TTN: variants seen among roughly 807,000 people sequenced by gnomAD.
TTN encodes titin.
TTN carries 1,525 observed loss-of-function variants against 3,223.0 expected under a neutral mutation model. That is an observed-to-expected ratio of 0.47 (90% CI 0.45 to 0.49). The LOEUF (loss-of-function observed/expected upper bound fraction) is 0.49, where lower values mean the gene tolerates loss of function less well. TTN is among the 20% of genes least tolerant of loss of function. TTN has a pLI of 0.00. For synonymous variants in TTN, 14,094 were observed against 15,161.0 expected (o/e 0.93, Z 5.17); for missense variants, 40,786 against 43,424.0 (o/e 0.94, Z 5.40).
Position 178,534,534 on chromosome 2 carries a change from G to T in TTN, c.102081C>A (p.Ile34027=). 6.2e-7 allele frequency: 1 copy of T among 1,613,830 alleles called. No homozygotes were observed. Among genetic ancestry groups the T allele is most frequent in the Non-Finnish European group, 8.5e-7 (1 of 1,179,798 alleles). ...CATCGAAAGTATATTCAGCATTCAT[G>T]ATATTCTCAATGATCTGTTGGTTAG... is the stretch of plus-strand genomic sequence containing the variant. The part of the protein sequence containing the change: ...AETNQQIIEN[I]MNAEYTFDEE... The change falls in exon 358 of 363, where the codon ATC becomes ATA. Residue 34027 remains isoleucine (I), a synonymous_variant. Transcript: ENST00000589042.
rs751923958 is a variant in TTN, at chr2:178,548,362, G to C, written c.93264C>G (p.Phe31088Leu). ...CATACTCATTTACTGCAGAAACACG[G>C]AAATAGTACGGAACACCTTCGGCCA... ...NDLAEGVPYY[F>L]RVSAVNEYGV... The change falls in exon 339 of 363, where the codon TTC (phenylalanine) becomes TTG (leucine). Residue 31088 changes from phenylalanine to leucine, a missense_variant. Physicochemically the swap from Phe to Leu is conservative, Grantham distance 22. Coordinates refer to ENST00000589042, the MANE Select transcript of TTN (RefSeq NM_001267550.2). This position sits in a 1 kb window ranked among gnomAD's most constrained non-coding sequence, Gnocchi z 4.3. 1 of 1,613,726 alleles carries C rather than the reference G, an allele frequency of 6.2e-7. No homozygotes were observed. Among genetic ancestry groups the C allele is most frequent in the African/African-American group, 1.3e-5 (1 of 74,906 alleles).
At chr2:178,802,503 A>G (rs2094118498) in intron 2 of TTN, among the ~76,000 whole-genome samples, 162 bp from the exon 3 acceptor site, 1 of 152,212 alleles carries the variant, frequency 6.6e-6, no homozygotes, top group South Asian at 2.1e-4. Context: ...ATCAGTGTGT[A>G]AACCTGCAGA....
rs767745172 is a variant in TTN at position 178,709,876 on chromosome 2, T to C, written c.28463-20A>G. On this transcript the variant is annotated intron_variant, in intron 98 of 362. Transcript: ENST00000589042. ...GCCGCTCTATAAGAAATTGCAAGGA[T>C]ATATGAAGTAGAAGCTAGAAGCAGA... 6.3e-7 allele frequency: 1 copy of C among 1,588,002 alleles called. No individual in the cohort carries two copies. The highest frequency in any genetic ancestry group is 8.6e-7 in the Non-Finnish European group (1 of 1,166,276).
rs1490848483 is a variant in TTN, at chr2:178,589,823, G to C, written c.61902C>G (p.Ala20634=). 1 of 1,613,404 alleles carries C rather than the reference G, an allele frequency of 6.2e-7. No homozygotes were observed. Among genetic ancestry groups the C allele is most frequent in the Non-Finnish European group, 8.5e-7 (1 of 1,179,612 alleles). ...TKRLIKANLL[A]NNEYYFRVCA... is the part of the protein sequence containing the mutation. ...AAACTCGGAAATAGTATTCATTGTT[G>C]GCTAAAAGGTTGGCCTTGATTAATC... Residue 20634 remains alanine, a synonymous_variant, in exon 304 of 363, where the codon GCC becomes GCG. Coordinates refer to ENST00000589042, the MANE Select transcript of TTN (RefSeq NM_001267550.2).
intron 126 of TTN, 79 bp from the exon 127 acceptor site, chr2:178,688,303 G>T: frequency 8.0e-7 from 1 of 1,254,880 alleles, no homozygotes; most frequent in Non-Finnish European, 1.2e-6. Flanking sequence ...ACTACAGATG[G>T]ATAACTGTTC....
At position 178,587,729 on chromosome 2, in the gene TTN, G is replaced by C; in HGVS notation, c.63580C>G (p.Leu21194Val). 6.2e-7 allele frequency: 1 copy of C among 1,612,714 alleles called. No homozygotes were observed. Among genetic ancestry groups the C allele is most frequent in the Non-Finnish European group, 8.5e-7 (1 of 1,179,308 alleles). ...GGTCGTCCTCTCACTATAGCAAAGA[G>C]ACGAATAGGGCATCCTGCTCTCACT... ...VIVRAGCPIR[L>V]FAIVRGRPAP... is the part of the protein sequence containing the mutation. The change falls in exon 306 of 363, where the codon CTC becomes GTC. Residue 21194 changes from leucine to valine, a missense_variant. Coordinates refer to ENST00000589042, the MANE Select transcript of TTN (RefSeq NM_001267550.2).
chr2:178,684,154 T>G, intron 132 of TTN, 72 bp from the exon 133 acceptor site: 1 of 1,513,592 alleles, frequency 6.6e-7, no homozygotes, highest in Non-Finnish European at 9.1e-7. Context: ...CATAAAGTAG[T>G]AGCCCAAACA....
At chr2:178,578,782 G>C in intron 320 of TTN, 24 bp downstream of exon 320, 2 of 1,606,070 alleles carry the variant, frequency 1.2e-6, no homozygotes, top group Non-Finnish European at 1.7e-6. Flanking sequence ...TTTGCTTTAC[G>C]TCTTCTGAAT....
chr2:178,728,474 A>G, intron 66 of TTN, 26 bp downstream of exon 66: 2 of 1,591,658 alleles, frequency 1.3e-6, no homozygotes, highest in South Asian at 1.1e-5. Context: ...TAAATAAGGG[A>G]AGCTGACTGG....
intron 312 of TTN, 54 bp downstream of exon 312, chr2:178,583,553 T>G (rs1157901635): frequency 1.6e-5 from 23 of 1,448,562 alleles, no homozygotes; most frequent in Middle Eastern, 2.4e-4. Context: ...TTAGGAAAAA[T>G]GACCATCATG....
Position 178,597,557 on chromosome 2 carries a change from T to C in TTN, c.57525A>G (p.Thr19175=), listed in dbSNP as rs765478522. 2 of 1,612,108 alleles carry C rather than the reference T, an allele frequency of 1.2e-6. No homozygotes were observed. Among genetic ancestry groups the C allele is most frequent in the Non-Finnish European group, 1.7e-6 (2 of 1,179,192 alleles). ...ATTTACCTAATACATCAACAATAATTGTCTTCTTTCTTTCTCCGGCTTCAT... is the reference window on the plus strand; with the variant it reads ...ATTTACCTAATACATCAACAATAATCGTCTTCTTTCTTTCTCCGGCTTCAT... The part of the protein sequence containing the change: ...AKNEAGERKK[T]IIVDVLDVPG... Residue 19175 remains threonine (T), a synonymous_variant, in exon 294 of 363, where the codon ACA becomes ACG. Coordinates refer to ENST00000589042, the MANE Select transcript of TTN (RefSeq NM_001267550.2).
Position 178,590,035 on chromosome 2 carries a change from C to T in TTN, c.61690G>A (p.Val20564Ile), listed in dbSNP as rs761270633. The T allele has an allele frequency of 7.4e-6, 12 of 1,612,982 alleles. No homozygotes were observed. Among genetic ancestry groups the T allele is most frequent in the Non-Finnish European group, 7.6e-6 (9 of 1,179,426 alleles). The change falls in exon 304 of 363, where the codon GTT becomes ATT. Residue 20564 changes from valine (V) to isoleucine (I), a missense_variant. Transcript: ENST00000589042. ...SSGHAQGSAI[V>I]NVLDRPGPCQ... is the part of the protein sequence containing the mutation. Reference sequence around the variant, plus strand: ...GGCCCAGGTCTGTCAAGGACGTTAACGATGGCTGAACCTTGGGCATGTCCA... The same window carrying T: ...GGCCCAGGTCTGTCAAGGACGTTAATGATGGCTGAACCTTGGGCATGTCCA...
Position 178,741,172 on chromosome 2 carries a change from T to A in TTN, c.12061A>T (p.Thr4021Ser). ...AGCACAAGCAGCTCTGCTGCACAGG[T>A]GGACTCACCCAACATATTCTCTGCT... ...CKAENMLGESTCAAELLVLLE... is the reference protein window; with the variant it reads ...CKAENMLGESSCAAELLVLLE... Residue 4021 changes from threonine to serine, a missense_variant, in exon 48 of 363, where the codon ACC becomes TCC. Physicochemically the swap from Thr to Ser is moderately conservative, Grantham distance 58. Transcript: ENST00000589042. 6.2e-7 allele frequency: 1 copy of A among 1,613,426 alleles called. No homozygotes were observed. The highest frequency in any genetic ancestry group is 8.5e-7 in the Non-Finnish European group (1 of 1,179,804).
At chr2:178,629,572 TC>T in intron 239 of TTN, 129 bp from the exon 240 acceptor site, 3 of 1,368,462 alleles carry the variant, frequency 2.2e-6, no homozygotes, top group Non-Finnish European at 3.0e-6. Context: ...CTATTTTAAC[TC>T]CCACGTGAAC....
intron 76 of TTN, 21 bp from the exon 77 acceptor site, chr2:178,722,567 C>T (rs745944968): frequency 1.9e-6 from 3 of 1,601,462 alleles, no homozygotes; most frequent in African/African-American, 1.3e-5. Context: ...ACATGTAATA[C>T]TTAAGGTGTT....
At chr2:178,679,719 A>C (rs1444882767) in intron 140 of TTN, 37 bp from the exon 141 acceptor site, 1 of 1,576,096 alleles carries the variant, frequency 6.3e-7, no homozygotes, top group Admixed American at 2.0e-5. Context: ...GAAATTTTGC[A>C]GGAAAGAAAT....
In TTN at chr2:178,575,352, T is replaced by A; in HGVS notation, c.70780A>T (p.Asn23594Tyr). Residue 23594 changes from asparagine to tyrosine, a missense_variant, in exon 326 of 363, where the codon AAT becomes TAT. Physicochemically the swap from Asn to Tyr is moderately radical, Grantham distance 143 (BLOSUM62 -2). Coordinates refer to ENST00000589042, the MANE Select transcript of TTN (RefSeq NM_001267550.2). The surrounding 1 kb of genome is among the most constrained non-coding windows in gnomAD (Gnocchi z 4.0). ...TVKGLECVVR[N>Y]LTEGEEYTFQ... The stretch of plus-strand genomic sequence containing the variant: ...GTATATTCCTCTCCTTCAGTTAGAT[T>A]CCTCACAACACATTCTAACCCTTTC... 1 of 1,613,572 alleles carries A rather than the reference T, an allele frequency of 6.2e-7. No individual in the cohort carries two copies. The highest frequency in any genetic ancestry group is 1.1e-5 in the South Asian group (1 of 91,080).
At position 178,537,048 on chromosome 2, in the gene TTN, A is replaced by G. The variant is rs759484221; in HGVS notation, c.100061T>C (p.Val33354Ala). The change falls in exon 356 of 363, where the codon GTG (valine) becomes GCG (alanine). Residue 33354 changes from valine to alanine, a missense_variant. Transcript: ENST00000589042. Reference sequence around the variant, plus strand: ...ATAGCCAGCATTTTCTGTGAGGTTCACAATTCTACAGGTTGTCACTGAGAT... The same window carrying G: ...ATAGCCAGCATTTTCTGTGAGGTTCGCAATTCTACAGGTTGTCACTGAGAT... ...SAISVTTCRI[V>A]NLTENAGYYF... 14 of 1,613,114 alleles carry G rather than the reference A, an allele frequency of 8.7e-6. No homozygotes were observed. Among genetic ancestry groups the G allele is most frequent in the Non-Finnish European group, 1.2e-5 (14 of 1,179,554 alleles).
intron 75 of TTN, 50 bp downstream of exon 75, chr2:178,722,996 C>G: frequency 6.2e-7 from 1 of 1,600,774 alleles, no homozygotes; most frequent in South Asian, 1.1e-5. Context: ...AGAAACTATG[C>G]TACATGTTAG....
Sources: gnomAD v4.1 joint callset for allele counts (sites outside exome capture counted in the v4.1 genomes callset) on GRCh38, gnomAD v4.1.1 for gene constraint, Gnocchi (gnomAD v3.1) non-coding constraint, MANE v1.5 for transcripts, NCBI Gene and HGNC (gene_info 2026-07-23, HGNC 2026-07-21) for gene names.